BBX: variants seen among roughly 807,000 people sequenced by gnomAD.
BBX encodes HMG box transcription factor BBX.
A neutral mutation model predicts 100.2 loss-of-function variants in BBX; 30 were observed. The observed-to-expected ratio is 0.30, with a 90% CI of 0.22 to 0.41. The LOEUF is 0.41. Ranked by LOEUF, BBX falls within the 10% of genes least tolerant of loss-of-function variation. The pLI, the probability that BBX is intolerant of heterozygous loss-of-function variation, is 1.00. For missense variants in BBX, 1,023 were observed against 1,129.8 expected (o/e 0.91, Z 1.35); for synonymous variants, 376 against 388.1 (o/e 0.97, Z 0.37).
intron 2 of BBX, among the ~76,000 whole-genome samples, chr3:107,608,288 T>C (rs1208876292): frequency 6.6e-6 from 1 of 152,228 alleles, no homozygotes; most frequent in Non-Finnish European, 1.5e-5. Flanking sequence ...CTTCTGCATA[T>C]GGATATCGGT....
At chr3:107,731,740 TAG>T (rs2063328947) in intron 6 of BBX, among the ~76,000 whole-genome samples, 1 of 151,898 alleles carries the variant, frequency 6.6e-6, no homozygotes, top group Non-Finnish European at 1.5e-5. Flanking sequence ...CGATAACATA[TAG>T]TCAAAGTTGC....
chr3:107,803,269 A>G (rs146747858), intron 17 of BBX, among the ~76,000 whole-genome samples: 2,371 of 152,298 alleles, frequency 0.016, 30 homozygotes, highest in South Asian at 0.027. Flanking sequence ...CATCAACCTA[A>G]TAAATGGTTA....
At chr3:107,750,029 C>T (rs2064953853) in intron 9 of BBX, among the ~76,000 whole-genome samples, 1 of 152,172 alleles carries the variant, frequency 6.6e-6, no homozygotes, top group African/African-American at 2.4e-5. Flanking sequence ...GTGTAATAGC[C>T]ACCATCCTGT....
intron 5 of BBX, among the ~76,000 whole-genome samples, chr3:107,722,893 T>C (rs1471494229): frequency 1.3e-5 from 2 of 152,036 alleles, no homozygotes; most frequent in Non-Finnish European, 2.9e-5. Context: ...ACTTATCAGA[T>C]AATTCCTTCT....
At chr3:107,552,451 G>A (rs570400605) in intron 2 of BBX, among the ~76,000 whole-genome samples, 8 of 149,750 alleles carry the variant, frequency 5.3e-5, no homozygotes, top group African/African-American at 2.0e-4. Flanking sequence ...GTATTCAAAG[G>A]TAAACTCTTA....
intron 7 of BBX, among the ~76,000 whole-genome samples, chr3:107,740,895 C>T (rs2064042154): frequency 6.7e-6 from 1 of 150,142 alleles, no homozygotes; most frequent in Non-Finnish European, 1.5e-5. Context: ...ATGTTGCTGT[C>T]CCCTGCATAT....
At chr3:107,600,732 G>C (rs888443847) in intron 2 of BBX, among the ~76,000 whole-genome samples, 1 of 152,030 alleles carries the variant, frequency 6.6e-6, no homozygotes, top group South Asian at 2.1e-4. Flanking sequence ...GGATAATGTT[G>C]GGCCTAACAA....
At chr3:107,660,275 A>T (rs917580983) in intron 3 of BBX, among the ~76,000 whole-genome samples, 1 of 152,086 alleles carries the variant, frequency 6.6e-6, no homozygotes, top group African/African-American at 2.4e-5. Context: ...TTCCAAATAA[A>T]TTGCATAAAG....
At chr3:107,685,415 G>C (rs1267557810) in intron 3 of BBX, among the ~76,000 whole-genome samples, 1 of 152,210 alleles carries the variant, frequency 6.6e-6, no homozygotes. Context: ...CCTTAACCAA[G>C]ATGATTTTTC....
At chr3:107,595,389 G>A (rs1202737630) in intron 2 of BBX, among the ~76,000 whole-genome samples, 3 of 152,134 alleles carry the variant, frequency 2.0e-5, no homozygotes, top group African/African-American at 7.2e-5. Context: ...AATTTTATTT[G>A]CTACTTCTTG....
At chr3:107,628,682 G>A (rs1299615218) in intron 2 of BBX, among the ~76,000 whole-genome samples, 1 of 151,918 alleles carries the variant, frequency 6.6e-6, no homozygotes, top group Admixed American at 6.6e-5. Flanking sequence ...CATAAAATAG[G>A]TGTGTCATCA....
chr3:107,609,978 C>G (rs1278961000), intron 2 of BBX, among the ~76,000 whole-genome samples: 1 of 151,682 alleles, frequency 6.6e-6, no homozygotes, highest in Non-Finnish European at 1.5e-5. Flanking sequence ...TGAAGTTGTT[C>G]TTCTTTTGAT....
At chr3:107,528,574 G>GTA (rs1416805831) in intron 2 of BBX, among the ~76,000 whole-genome samples, 4 of 152,248 alleles carry the variant, frequency 2.6e-5, no homozygotes, top group African/African-American at 9.6e-5. Flanking sequence ...TTTGAAAATG[G>GTA]TATATATAGC....
intron 7 of BBX, among the ~76,000 whole-genome samples, chr3:107,742,643 C>G (rs1453732351): frequency 6.6e-6 from 1 of 152,140 alleles, no homozygotes; most frequent in Non-Finnish European, 1.5e-5. Context: ...TCTTCCTATT[C>G]ACATACATAT....
At chr3:107,535,493 T>C (rs1033663358) in intron 2 of BBX, among the ~76,000 whole-genome samples, 1 of 152,114 alleles carries the variant, frequency 6.6e-6, no homozygotes, top group African/African-American at 2.4e-5. Context: ...TTATTTTTAA[T>C]ATTTATTAAT....
chr3:107,692,384 C>T (rs1172087468), intron 3 of BBX, among the ~76,000 whole-genome samples: 1 of 151,634 alleles, frequency 6.6e-6, no homozygotes, highest in African/African-American at 2.4e-5. Flanking sequence ...TGTGATGTTC[C>T]CCTTCCTGTG....
chr3:107,801,672 A>C (rs539921037), intron 17 of BBX, among the ~76,000 whole-genome samples: 129 of 152,082 alleles, frequency 8.5e-4, no homozygotes, highest in African/African-American at 3.0e-3. Context: ...TTTTTCCTCT[A>C]AAAAAACAGG....
At chr3:107,697,929 C>T (rs1380636308) in intron 3 of BBX, among the ~76,000 whole-genome samples, 2 of 151,934 alleles carry the variant, frequency 1.3e-5, no homozygotes, top group Non-Finnish European at 2.9e-5. Flanking sequence ...GTCAGAAAAG[C>T]GCAGTATTCG....
chr3:107,561,720 A>G (rs2050515667), intron 2 of BBX, among the ~76,000 whole-genome samples: 1 of 152,212 alleles, frequency 6.6e-6, no homozygotes, highest in South Asian at 2.1e-4. Flanking sequence ...GGAGAAATGG[A>G]TGAAGAAGAA....
Sources: gnomAD v4.1 joint callset for allele counts (sites outside exome capture counted in the v4.1 genomes callset) on GRCh38, gnomAD v4.1.1 for gene constraint, MANE v1.5 for transcripts, NCBI Gene and HGNC (gene_info 2026-07-23, HGNC 2026-07-21) for gene names.